The following FGF13 variants were observed in gnomAD, a reference collection of about 807,000 sequenced individuals.
FGF13 encodes the protein fibroblast growth factor 13, also known as fibroblast growth factor homologous factor 2.
A neutral mutation model predicts 19.5 loss-of-function variants in FGF13; 2 were observed. The observed-to-expected ratio is 0.10, with a 90% CI of 0.04 to 0.32. The LOEUF is 0.32. Among genes scored for constraint, FGF13 ranks in the 10% least tolerant of loss-of-function variants. The pLI is 1.00. For missense variants in FGF13, 113 were observed against 192.7 expected, an observed-to-expected ratio of 0.59 and a Z score of 2.45; for synonymous variants, 72 against 76.9, an observed-to-expected ratio of 0.94 and a Z score of 0.33.
At chrX:139,200,399 G>C (rs1219434219) in intron 1 of FGF13, among the ~76,000 whole-genome samples, 2 of 112,225 alleles carry the variant, frequency 1.8e-5, no homozygotes, top group East Asian at 2.8e-4. Context: ...AGTAGGATAG[G>C]ATAGAAAGAC....
chrX:138,872,135 G>A (rs183214098), intron 1 of FGF13, among the ~76,000 whole-genome samples: 7 of 112,061 alleles, frequency 6.2e-5, no homozygotes, highest in Non-Finnish European at 1.1e-4. Context: ...TACACACTAG[G>A]AATATAAAAC....
chrX:139,056,358 A>G (rs1388361630), intron 1 of FGF13, among the ~76,000 whole-genome samples: 2 of 112,528 alleles, frequency 1.8e-5, no homozygotes, highest in South Asian at 3.7e-4. Flanking sequence ...CTGTGTTAGC[A>G]TCTCCATCTG....
chrX:138,781,115 C>A (rs767376005), intron 3 of FGF13, among the ~76,000 whole-genome samples: 195 of 110,855 alleles, frequency 1.8e-3, no homozygotes, highest in African/African-American at 6.3e-3. Flanking sequence ...TCTTTGAAAC[C>A]AATGAGAACA....
intron 1 of FGF13, among the ~76,000 whole-genome samples, chrX:139,128,175 G>A (rs1031302909): frequency 3.6e-5 from 4 of 110,356 alleles, no homozygotes; most frequent in Non-Finnish European, 5.7e-5. Context: ...TCTCATTACC[G>A]GGATTATCCT....
At position 138,616,515 on chromosome X, in the gene FGF13, G is replaced by T. The variant is rs187531062; in HGVS notation, c.*16335C>A. On this transcript the variant is annotated 3_prime_UTR_variant, in exon 5 of 5. Transcript: ENST00000315930. The stretch of plus-strand genomic sequence containing the variant: ...CCCTCACAGCTCTTTTCATGGGCTG[G>T]TGTTGAGTGCCAGTGGCTTTTCCAG... 1 of 112,803 alleles carries T rather than the reference G, an allele frequency of 8.9e-6. No homozygotes were observed. The highest frequency in any genetic ancestry group is 2.8e-4 in the East Asian group (1 of 3,546). The allele number at this position is 112,803 out of a possible 1,213,427, so 9.3% of individuals were successfully genotyped here. A position where few individuals can be genotyped will look rare whatever the true frequency, so the allele number is the denominator to read the frequency against.
At chrX:138,816,430 T>A (rs2090961918) in intron 3 of FGF13, among the ~76,000 whole-genome samples, 1 of 112,122 alleles carries the variant, frequency 8.9e-6, no homozygotes, top group Non-Finnish European at 1.9e-5. Flanking sequence ...AACAAAAATA[T>A]ATGTATTTTG....
At chrX:138,808,158 G>T (rs181227678) in intron 3 of FGF13, among the ~76,000 whole-genome samples, 2 of 111,511 alleles carry the variant, frequency 1.8e-5, no homozygotes, top group Admixed American at 9.5e-5. Context: ...GCACCACATC[G>T]CACTTATTCT....
chrX:138,975,442 C>T (rs751126716), intron 1 of FGF13, among the ~76,000 whole-genome samples: 1 of 111,534 alleles, frequency 9.0e-6, no homozygotes, highest in Non-Finnish European at 1.9e-5. Flanking sequence ...GGCCTTAATC[C>T]AGTCTATCAT....
Position 139,199,307 on chromosome X carries a change from C to T in FGF13, c.-113+4109G>A, listed in dbSNP as rs185632370. On this transcript the variant is annotated intron_variant, in intron 1 of 2. Transcript: ENST00000421460. ...TCTACTCTAATGCACATGGTTTTTCCCCCCTCCTTCAATTGCTTAATCTTG... is the reference window on the plus strand; with the variant it reads ...TCTACTCTAATGCACATGGTTTTTCTCCCCTCCTTCAATTGCTTAATCTTG... Among the ~76,000 whole-genome samples the T allele has an allele frequency of 6.4e-5, 7 of 109,335 alleles. No homozygotes were observed. In the East Asian group the frequency reaches 1.7e-3, roughly 27 times the overall value. 94.9% of individuals were successfully genotyped at this position (109,335 alleles called of 115,157 possible).
intron 3 of FGF13, among the ~76,000 whole-genome samples, chrX:138,834,013 T>C (rs758718621): frequency 2.7e-5 from 3 of 112,022 alleles, no homozygotes; most frequent in Non-Finnish European, 5.6e-5. Context: ...AAAGCCTACT[T>C]GATCATGGTG....
At chrX:138,798,491 G>A (rs2090797680) in intron 3 of FGF13, among the ~76,000 whole-genome samples, 1 of 111,806 alleles carries the variant, frequency 8.9e-6, no homozygotes, top group African/African-American at 3.3e-5. Context: ...ATTTCACATC[G>A]ATGTTCATCA....
intron 3 of FGF13, among the ~76,000 whole-genome samples, chrX:138,768,445 G>T (rs965239046): frequency 1.8e-5 from 2 of 109,679 alleles, no homozygotes; most frequent in African/African-American, 6.6e-5. Flanking sequence ...TTTTGGGGGT[G>T]CTGGTAATGT....
chrX:138,912,525 A>C (rs2091593403), intron 1 of FGF13, among the ~76,000 whole-genome samples: 1 of 111,715 alleles, frequency 9.0e-6, no homozygotes, highest in Admixed American at 9.5e-5. Flanking sequence ...ACTTCTATAA[A>C]TATATCACTA....
upstream of FGF13, among the ~76,000 whole-genome samples, chrX:138,743,069 T>C (rs1467691466): frequency 9.0e-6 from 1 of 111,503 alleles, no homozygotes; most frequent in East Asian, 2.8e-4. Flanking sequence ...TGAAATCTAA[T>C]ATCCACACAA....
chrX:139,024,354 G>A (rs776849698), intron 1 of FGF13, among the ~76,000 whole-genome samples: 43 of 111,266 alleles, frequency 3.9e-4, no homozygotes, highest in African/African-American at 1.4e-3. Context: ...GACTCCAAGA[G>A]CTCTCACCCA....
At chrX:139,038,158 T>C (rs1320590539) in intron 1 of FGF13, among the ~76,000 whole-genome samples, 1 of 111,090 alleles carries the variant, frequency 9.0e-6, no homozygotes, top group Non-Finnish European at 1.9e-5. Context: ...ATGCAGCTGC[T>C]GCCCTCTCCA....
intron 1 of FGF13, among the ~76,000 whole-genome samples, chrX:138,979,001 C>T (rs1357404705): frequency 8.9e-6 from 1 of 112,312 alleles, no homozygotes; most frequent in Admixed American, 9.4e-5. Context: ...ATGGAGCAAG[C>T]TTCTCAAATT....
At chrX:138,877,827 T>C (rs758658678) in intron 1 of FGF13, among the ~76,000 whole-genome samples, 5 of 112,613 alleles carry the variant, frequency 4.4e-5, no homozygotes, top group Non-Finnish European at 9.4e-5. Flanking sequence ...TTTTCATCTA[T>C]TGATGGATTC....
chrX:138,772,018 GTATATATATATA>G (rs56411673), intron 3 of FGF13, among the ~76,000 whole-genome samples: 2,185 of 56,501 alleles, frequency 0.039, 88 homozygotes, highest in African/African-American at 0.099. Flanking sequence ...ATACATATGT[GTATATATATATA>G]TATATATATA....
Sources: allele counts gnomAD v4.1 joint callset (sites outside exome capture counted in the v4.1 genomes callset), GRCh38; gene constraint gnomAD v4.1.1; transcripts MANE v1.5; gene names NCBI Gene and HGNC (gene_info 2026-07-23, HGNC 2026-07-21).